Variants in CCDC170 observed in about 807,000 individuals in gnomAD.
The protein encoded by CCDC170 is coiled-coil domain-containing protein 170.
Under a neutral mutation model 72.6 loss-of-function variants are expected in CCDC170, and 69 were observed. That is an observed-to-expected ratio of 0.95 (90% CI 0.78 to 1.16). The LOEUF (loss-of-function observed/expected upper bound fraction) is 1.16. CCDC170 is among the 50% of genes most tolerant of loss of function. The pLI is 0.00. For missense variants in CCDC170, 852 were observed against 832.5 expected (o/e 1.02, Z -0.29); for synonymous variants, 300 against 303.9 (o/e 0.99, Z 0.13).
chr6:151,494,202 C>G lies in CCDC170; in HGVS notation c.57+17C>G. The G allele has an allele frequency of 6.7e-7, 1 of 1,497,772 alleles. No individual in the cohort carries two copies. The highest frequency in any genetic ancestry group is 1.4e-5 in the African/African-American group (1 of 69,764). 92.8% of individuals were successfully genotyped at this position (1,497,772 alleles called of 1,614,324 possible). ...GCGCCCGAGGTACGGTCCCAGCCGC[C>G]GGCCGCGCGCGGGGGTGGCCCTGGG... is the stretch of plus-strand genomic sequence containing the variant. On this transcript the variant is annotated intron_variant, in intron 1 of 10. Transcript: ENST00000239374.
intron 3 of CCDC170, among the ~76,000 whole-genome samples, chr6:151,542,080 A>G (rs1782700707): frequency 6.6e-6 from 1 of 151,584 alleles, no homozygotes; most frequent in Non-Finnish European, 1.5e-5. Flanking sequence ...GGGTTTTGCC[A>G]TGTTGGCCAG....
rs765125207 is a variant in CCDC170, at chr6:151,596,318, T to C, written c.1468-17T>C. The C allele has an allele frequency of 6.3e-7, 1 of 1,576,346 alleles. No individual in the cohort carries two copies. Among genetic ancestry groups the C allele is most frequent in the East Asian group, 2.2e-5 (1 of 44,538 alleles). ...GTTCAATTATTAAAAAAAAAATCCC[T>C]GTTTGCATCAAACCAGCTAAAGACA... On this transcript the variant is annotated splice_polypyrimidine_tract_variant and intron_variant, in intron 8 of 10. Coordinates refer to ENST00000239374, the MANE Select transcript of CCDC170 (RefSeq NM_025059.4).
At chr6:151,554,045 T>A (rs1242431359) in intron 5 of CCDC170, among the ~76,000 whole-genome samples, 2 of 152,158 alleles carry the variant, frequency 1.3e-5, no homozygotes, top group African/African-American at 2.4e-5. Flanking sequence ...CAAGAAAATT[T>A]CGCAAATAAA....
Position 151,541,880 on chromosome 6 carries a change from A to AC in CCDC170, c.444-2692_444-2691insC, listed in dbSNP as rs1478251465. Among the ~76,000 whole-genome samples the AC allele has an allele frequency of 3.4e-3, 205 of 61,194 alleles. 1 individual carries two copies. The highest frequency in any genetic ancestry group is 8.1e-3 in the Middle Eastern group (1 of 124). The allele number at this position is 61,194 out of a possible 152,430, so 40.1% of individuals were successfully genotyped here. A position where few individuals can be genotyped will look rare whatever the true frequency, so the allele number is the denominator to read the frequency against. On this transcript the variant is annotated intron_variant, in intron 3 of 10. Coordinates refer to ENST00000239374, the MANE Select transcript of CCDC170 (RefSeq NM_025059.4). Reference sequence around the variant, plus strand: ...TATAAATATAAATATATATATATATATATATATTTTTTTTTTTAAGACAGA... The same window carrying AC: ...TATAAATATAAATATATATATATATACTATATATTTTTTTTTTTAAGACAGA...
At position 151,585,956 on chromosome 6, in the gene CCDC170, A is replaced by G. The variant is rs1776444951; in HGVS notation, c.1160A>G (p.His387Arg). 2 of 1,613,974 alleles carry G rather than the reference A, an allele frequency of 1.2e-6. No individual in the cohort carries two copies. Among genetic ancestry groups the G allele is most frequent in the Non-Finnish European group, 1.7e-6 (2 of 1,179,938 alleles). The change falls in exon 7 of 11, where the codon CAC (histidine) becomes CGC (arginine). Residue 387 changes from histidine (H) to arginine (R), a missense_variant. Physicochemically the swap from His to Arg is conservative, Grantham distance 29. Coordinates refer to ENST00000239374, the MANE Select transcript of CCDC170 (RefSeq NM_025059.4). ...CAGTTGGGAAAGGAGTCTGGGTTTC[A>G]CCAGAAAGCTCTCCAGAGGGCCCAG... ...VEQLGKESGF[H>R]QKALQRAQKA...
chr6:151,616,220 G>A (rs1473034185), intron 10 of CCDC170, among the ~76,000 whole-genome samples: 1 of 152,080 alleles, frequency 6.6e-6, no homozygotes, highest in Non-Finnish European at 1.5e-5. Flanking sequence ...TCAGTTGCAG[G>A]AAACAGCCCC....
intron 9 of CCDC170, among the ~76,000 whole-genome samples, chr6:151,614,629 ATT>A (rs34242496): frequency 6.4e-4 from 86 of 135,078 alleles, no homozygotes; most frequent in South Asian, 7.1e-4. Context: ...TAACTTTTGT[ATT>A]TTTTTTTTTT....
At chr6:151,542,745 G>T (rs1782710708) in intron 3 of CCDC170, among the ~76,000 whole-genome samples, 1 of 152,294 alleles carries the variant, frequency 6.6e-6, no homozygotes, top group East Asian at 1.9e-4. Flanking sequence ...ATTGCAAATA[G>T]AAATGGAAGT....
At chr6:151,605,885 C>T (rs964013622) in intron 9 of CCDC170, among the ~76,000 whole-genome samples, 3 of 143,296 alleles carry the variant, frequency 2.1e-5, no homozygotes, top group Non-Finnish European at 4.5e-5. Context: ...GTGCCACCAG[C>T]TTGCTTCTAT....
At chr6:151,566,221 A>C (rs1322861479) in intron 5 of CCDC170, among the ~76,000 whole-genome samples, 1 of 152,192 alleles carries the variant, frequency 6.6e-6, no homozygotes. Context: ...ATTCCATTCT[A>C]TTGGCTCATG....
intron 1 of CCDC170, among the ~76,000 whole-genome samples, chr6:151,502,083 A>G (rs58841835): frequency 0.011 from 1,741 of 152,280 alleles, 33 homozygotes; most frequent in African/African-American, 0.037. Context: ...GATAGTTTAT[A>G]TATCTACATG....
At chr6:151,589,882 G>A (rs1189702257) in intron 7 of CCDC170, among the ~76,000 whole-genome samples, 2 of 152,082 alleles carry the variant, frequency 1.3e-5, no homozygotes, top group African/African-American at 4.8e-5. Flanking sequence ...GCCAGCAGGG[G>A]CAAACTCAGA....
In CCDC170 at chr6:151,539,260, C is replaced by CAA. The variant is rs11412896; in HGVS notation, c.443+970_443+971dup. Among the ~76,000 whole-genome samples the CAA allele has an allele frequency of 5.8e-4, 86 of 148,096 alleles. 2 individuals carry two copies. The East Asian group carries it at 7.9e-3, about 14-fold the overall frequency. On this transcript the variant is annotated intron_variant, in intron 3 of 10. Coordinates refer to ENST00000239374, the MANE Select transcript of CCDC170 (RefSeq NM_025059.4). ...TGGGCAACAAAGAGAGACTCTGTCT[C>CAA]AAAAAAAAAAAATGTTGTATGTATT...
chr6:151,570,988 A>G (rs933211534), intron 5 of CCDC170, among the ~76,000 whole-genome samples: 4 of 152,222 alleles, frequency 2.6e-5, no homozygotes, highest in Non-Finnish European at 5.9e-5. Context: ...TGAAAAGGGC[A>G]GGCTTCTCTA....
chr6:151,533,135 G>C (rs1166928137), intron 1 of CCDC170, among the ~76,000 whole-genome samples: 2 of 148,812 alleles, frequency 1.3e-5, no homozygotes, highest in South Asian at 4.2e-4. Context: ...CTTACTGCAA[G>C]CTCCACCTCC....
chr6:151,585,046 A>G (rs1468912487), intron 6 of CCDC170, among the ~76,000 whole-genome samples: 1 of 152,204 alleles, frequency 6.6e-6, no homozygotes, highest in Non-Finnish European at 1.5e-5. Flanking sequence ...TCAACATTTT[A>G]TGAAACTGGA....
chr6:151,525,033 C>T (rs1036491703), intron 1 of CCDC170, among the ~76,000 whole-genome samples: 18 of 148,680 alleles, frequency 1.2e-4, no homozygotes, highest in South Asian at 6.3e-4. Context: ...CCCAGGTTCA[C>T]GCCATTCTCC....
intron 1 of CCDC170, among the ~76,000 whole-genome samples, chr6:151,501,658 G>C (rs1271597289): frequency 6.6e-6 from 1 of 152,190 alleles, no homozygotes; most frequent in African/African-American, 2.4e-5. Context: ...AAAGGTAGGG[G>C]AGAGCTTTTT....
intron 6 of CCDC170, among the ~76,000 whole-genome samples, chr6:151,582,986 CTT>C (rs35947074): frequency 1.1e-4 from 10 of 94,232 alleles, no homozygotes; most frequent in African/African-American, 2.9e-4. Context: ...TGGAGTAGCA[CTT>C]TTTTTTTTTT....
Sources: gnomAD v4.1 joint callset for allele counts (sites outside exome capture counted in the v4.1 genomes callset) on GRCh38, gnomAD v4.1.1 for gene constraint, MANE v1.5 for transcripts, NCBI Gene and HGNC (gene_info 2026-07-23, HGNC 2026-07-21) for gene names.